ZNF614: variants seen among roughly 807,000 people sequenced by gnomAD.
ZNF614 encodes zinc finger protein 614.
ZNF614 carries 11 observed loss-of-function variants against 12.8 expected under a neutral mutation model. That is an observed-to-expected ratio of 0.86 (90% CI 0.54 to 1.43). The LOEUF (loss-of-function observed/expected upper bound fraction) is 1.43, where lower values mean the gene tolerates loss of function less well. ZNF614 is among the 40% of genes most tolerant of loss of function. ZNF614 has a pLI of 0.00. For missense variants in ZNF614, 664 were observed against 708.8 expected (o/e 0.94, Z 0.72); for synonymous variants, 237 against 237.5 (o/e 1.00, Z 0.02).
At chr19:52,020,717 T>G (rs1237733743) in intron 2 of ZNF614, among the ~76,000 whole-genome samples, 1 of 152,156 alleles carries the variant, frequency 6.6e-6, no homozygotes, top group Non-Finnish European at 1.5e-5. Context: ...GCAGCCCCTA[T>G]CCAGAGTCAT....
At chr19:52,024,074 G>C (rs912726037) in intron 2 of ZNF614, among the ~76,000 whole-genome samples, 1 of 152,228 alleles carries the variant, frequency 6.6e-6, no homozygotes, top group Non-Finnish European at 1.5e-5. Flanking sequence ...GTAGTCCTGG[G>C]AGGGTAGAAT....
intron 2 of ZNF614, among the ~76,000 whole-genome samples, chr19:52,023,345 T>G (rs2086945575): frequency 6.6e-6 from 1 of 151,874 alleles, no homozygotes; most frequent in Admixed American, 6.5e-5. Context: ...ATTTTTGTAT[T>G]TTTAGTAGAG....
chr19:52,017,341 C>T lies in ZNF614; in HGVS notation c.257G>A (p.Ser86Asn). The T allele has an allele frequency of 6.3e-7, 1 of 1,596,986 alleles. No homozygotes were observed. Among genetic ancestry groups the T allele is most frequent in the Non-Finnish European group, 8.5e-7 (1 of 1,172,414 alleles). ...GTTTGGAGAGTGCTCTTGCAGATGA[C>T]TGTCAACTTTCCCGATTCCTAAGAA... Reference protein sequence around the residue: ...KNCPGIGKVDSHLQEHSPNQR... With the variant: ...KNCPGIGKVDNHLQEHSPNQR... The change falls in exon 5 of 5, where the codon AGT (serine) becomes AAT (asparagine). Residue 86 changes from serine (S) to asparagine (N), a missense_variant. Ser to Asn is a conservative substitution (Grantham distance 46). Coordinates refer to ENST00000270649, the MANE Select transcript of ZNF614 (RefSeq NM_025040.4).
rs2086880916 is a variant in ZNF614, at chr19:52,013,860, T to C, written c.*1980A>G. 1 of 116,412 alleles carries C rather than the reference T, an allele frequency of 8.6e-6. No homozygotes were observed. The highest frequency in any genetic ancestry group is 1.6e-5 in the Non-Finnish European group (1 of 62,648). The allele number at this position is 116,412 out of a possible 1,614,324, so 7.2% of individuals were successfully genotyped here. A position where few individuals can be genotyped will look rare whatever the true frequency, so the allele number is the denominator to read the frequency against. ...AAATTCGTCAAATCCAAAATAAGATTAGTACTTTATAGTATCCTACCAATG... is the reference window on the plus strand; with the variant it reads ...AAATTCGTCAAATCCAAAATAAGATCAGTACTTTATAGTATCCTACCAATG... On this transcript the variant is annotated 3_prime_UTR_variant, in exon 5 of 5. Coordinates refer to ENST00000270649, the MANE Select transcript of ZNF614 (RefSeq NM_025040.4).
In ZNF614 at chr19:52,018,016, T is replaced by C. The variant is rs773796603; in HGVS notation, c.230A>G (p.Asn77Ser). 13 of 1,613,566 alleles carry C rather than the reference T, an allele frequency of 8.1e-6. No individual in the cohort carries two copies. Among genetic ancestry groups the C allele is most frequent in the Non-Finnish European group, 1.1e-5 (13 of 1,179,770 alleles). ...WTTDAKIQNK[N>S]CPGIGKVDSH... ...TGCTGGTTCTCACTTACCTGGACAA[T>C]TTTTATTCTGAATTTTAGCATCTGT... Residue 77 changes from asparagine to serine, a missense_variant, in exon 4 of 5, where the codon AAT becomes AGT. Transcript: ENST00000270649.
chr19:52,016,708 G>A lies in ZNF614; in HGVS notation c.890C>T (p.Thr297Ile), dbSNP rs751456385. ...YMCSECGKGF[T>I]MKRYLIAHQR... The stretch of plus-strand genomic sequence containing the variant: ...ATGAGCAATTAGATAGCGCTTCATT[G>A]TAAAGCCCTTTCCACACTCACTGCA... The change falls in exon 5 of 5, where the codon ACA (threonine) becomes ATA (isoleucine). Residue 297 changes from threonine (T) to isoleucine (I), a missense_variant. Physicochemically the swap from Thr to Ile is moderately conservative, Grantham distance 89. Transcript: ENST00000270649. The A allele has an allele frequency of 6.2e-7, 1 of 1,614,168 alleles. No homozygotes were observed. Among genetic ancestry groups the A allele is most frequent in the Non-Finnish European group, 8.5e-7 (1 of 1,180,036 alleles).
chr19:52,025,128 ATTAG>A (rs974827239), intron 2 of ZNF614, among the ~76,000 whole-genome samples: 17 of 152,252 alleles, frequency 1.1e-4, no homozygotes, highest in Admixed American at 4.6e-4. Flanking sequence ...AAATAAATAA[ATTAG>A]TAATTTTAAA....
chr19:52,026,301 A>G (rs1012336907), intron 1 of ZNF614, among the ~76,000 whole-genome samples: 1 of 152,238 alleles, frequency 6.6e-6, no homozygotes, highest in Non-Finnish European at 1.5e-5. Flanking sequence ...ACTAAGAGAA[A>G]TTCTTCTGCC....
At chr19:52,019,341 A>T (rs2086920548) in intron 2 of ZNF614, among the ~76,000 whole-genome samples, 1 of 152,218 alleles carries the variant, frequency 6.6e-6, no homozygotes, top group Non-Finnish European at 1.5e-5. Context: ...GAGTTGCAAG[A>T]CCTAGTGTAT....
chr19:52,020,458 G>A (rs1344268759), intron 2 of ZNF614, among the ~76,000 whole-genome samples: 3 of 152,210 alleles, frequency 2.0e-5, no homozygotes, highest in African/African-American at 7.2e-5. Context: ...CTCTCCTCAT[G>A]GAATCCTTGG....
At position 52,028,318 on chromosome 19, in the gene ZNF614, A is replaced by C. The variant is rs1291695908; in HGVS notation, c.-293T>G. ...ACGTCCGAAAACGCTTCCTATTCAG[A>C]CGCGCTCCTGCGCGGACTCCGGGAA... On this transcript the variant is annotated 5_prime_UTR_variant, in exon 1 of 5. Coordinates refer to ENST00000270649, the MANE Select transcript of ZNF614 (RefSeq NM_025040.4). The C allele has an allele frequency of 6.6e-6, 1 of 152,238 alleles. No homozygotes were observed. The highest frequency in any genetic ancestry group is 1.5e-5 in the Non-Finnish European group (1 of 68,072). 9.4% of individuals were successfully genotyped at this position (152,238 alleles called of 1,614,324 possible).
intron 2 of ZNF614, among the ~76,000 whole-genome samples, chr19:52,021,004 G>C (rs1006390260): frequency 2.0e-5 from 3 of 152,202 alleles, no homozygotes; most frequent in African/African-American, 7.2e-5. Flanking sequence ...AAAGTGACAA[G>C]ATGCCACTTT....
At chr19:52,025,469 G>A (rs1440713819) in intron 2 of ZNF614, among the ~76,000 whole-genome samples, 2 of 151,996 alleles carry the variant, frequency 1.3e-5, no homozygotes, top group East Asian at 1.9e-4. Flanking sequence ...GATTACAGGT[G>A]TGCACCACCA....
chr19:52,025,701 T>G (rs762933487), intron 2 of ZNF614, 30 bp downstream of exon 2: 8 of 1,613,218 alleles, frequency 5.0e-6, no homozygotes, highest in Non-Finnish European at 5.9e-6. Flanking sequence ...CCACCATAAA[T>G]CTATCAAAAA....
In ZNF614 at chr19:52,017,228, C is replaced by T. The variant is rs1568514083; in HGVS notation, c.370G>A (p.Val124Met). The T allele has an allele frequency of 3.7e-6, 6 of 1,614,098 alleles. No individual in the cohort carries two copies. The highest frequency in any genetic ancestry group is 5.1e-6 in the Non-Finnish European group (6 of 1,180,030). Residue 124 changes from valine (V) to methionine (M), a missense_variant, in exon 5 of 5, where the codon GTG becomes ATG. Coordinates refer to ENST00000270649, the MANE Select transcript of ZNF614 (RefSeq NM_025040.4). ...VHLSKTHFPI[V>M]QNHDTFDLYR... ...AAGTCAAATGTATCATGATTTTGCA[C>T]TATAGGAAAATGTGTCTTGCTGAGA...
rs1055603411 is a variant in ZNF614 at position 52,014,691 on chromosome 19, C to T, written c.*1149G>A. 6.6e-6 allele frequency: 1 copy of T among 152,152 alleles called. No homozygotes were observed. The highest frequency in any genetic ancestry group is 2.4e-5 in the African/African-American group (1 of 41,428). 9.4% of individuals were successfully genotyped at this position (152,152 alleles called of 1,614,324 possible). A position where few individuals can be genotyped will look rare whatever the true frequency, so the allele number is the denominator to read the frequency against. On this transcript the variant is annotated 3_prime_UTR_variant, in exon 5 of 5. Transcript: ENST00000270649. ...GGGCTATTTGGAGTTCTCTTAATCT[C>T]ATTGTCTAATCTAATCTCCAGCACC...
At chr19:52,017,600 C>G (rs2086907417) in intron 4 of ZNF614, 2 of 424,900 alleles carry the variant, frequency 4.7e-6, no homozygotes, top group Non-Finnish European at 4.2e-6. Context: ...ATTCAGGAGG[C>G]TGAGGCAGGA....
rs1462707975 is a variant in ZNF614, at chr19:52,015,279, C to G, written c.*561G>C. The G allele has an allele frequency of 6.6e-6, 1 of 152,380 alleles. No individual in the cohort carries two copies. Among genetic ancestry groups the G allele is most frequent in the East Asian group, 1.9e-4 (1 of 5,196 alleles). 9.4% of individuals were successfully genotyped at this position (152,380 alleles called of 1,614,324 possible). A position where few individuals can be genotyped will look rare whatever the true frequency, so the allele number is the denominator to read the frequency against. On this transcript the variant is annotated 3_prime_UTR_variant, in exon 5 of 5. Transcript: ENST00000270649. ...TTTTACTTTCTATGTGATCTCCTGA[C>G]AAATGATGAAGCAGAGTGCGTCGCT...
Position 52,016,528 on chromosome 19 carries a change from T to C in ZNF614, c.1070A>G (p.Tyr357Cys), listed in dbSNP as rs1191879937. The change falls in exon 5 of 5, where the codon TAT (tyrosine) becomes TGT (cysteine). Residue 357 changes from tyrosine (Y) to cysteine (C), a missense_variant. Tyr to Cys is a radical substitution (Grantham distance 194, BLOSUM62 -2). Transcript: ENST00000270649. ...ATGAGTTCGCTGATGTACAACAAGA[T>C]AGCGCTTCATGGTGAAGCCTTTTCC... The part of the protein sequence containing the change: ...ECGKGFTMKR[Y>C]LVVHQRTHTG... The C allele has an allele frequency of 1.9e-6, 3 of 1,613,826 alleles. No homozygotes were observed. Among genetic ancestry groups the C allele is most frequent in the South Asian group, 1.1e-5 (1 of 91,072 alleles).
Sources: gnomAD v4.1 joint callset for allele counts (sites outside exome capture counted in the v4.1 genomes callset) on GRCh38, gnomAD v4.1.1 for gene constraint, MANE v1.5 for transcripts, NCBI Gene and HGNC (gene_info 2026-07-23, HGNC 2026-07-21) for gene names.